POMGNT1: variants seen among roughly 807,000 people sequenced by gnomAD.
POMGNT1 encodes protein O-linked mannose N-acetylglucosaminyltransferase 1 (beta 1,2-), also known as protein O-linked-mannose beta-1,2-N-acetylglucosaminyltransferase 1.
A neutral mutation model predicts 95.6 loss-of-function variants in POMGNT1; 67 were observed. That is an observed-to-expected ratio of 0.70 (90% CI 0.58 to 0.86). The LOEUF (loss-of-function observed/expected upper bound fraction) is 0.86, where lower values mean the gene tolerates loss of function less well. POMGNT1 is among the 40% of genes least tolerant of loss of function. POMGNT1 has a pLI of 0.00. For missense variants in POMGNT1, 719 were observed against 855.2 expected (o/e 0.84, Z 1.99); for synonymous variants, 298 against 317.9 (o/e 0.94, Z 0.66).
intron 1 of POMGNT1, among the ~76,000 whole-genome samples, chr1:46,205,909 C>T (rs1011925652): frequency 2.6e-5 from 4 of 152,232 alleles, no homozygotes; most frequent in Admixed American, 6.5e-5. Flanking sequence ...TAAGGACTGT[C>T]CTTCAATTGT....
chr1:46,202,908 G>GGGC (rs1553164810), upstream of POMGNT1, among the ~76,000 whole-genome samples: 2 of 104,018 alleles, frequency 1.9e-5, 1 homozygote, highest in Non-Finnish European at 3.9e-5. Flanking sequence ...CTAGCCCCTG[G>GGGC]GGGGGGGGGG....
chr1:46,189,899 T>G lies in POMGNT1; in HGVS notation c.1740A>C (p.Arg580=), dbSNP rs1334385300. The G allele has an allele frequency of 6.2e-7, 1 of 1,613,952 alleles. No individual in the cohort carries two copies. The highest frequency in any genetic ancestry group is 2.2e-5 in the East Asian group (1 of 44,862). ...TGGTGAAGTCATCATCTTTCTCCAT[T>G]CGAATAAAGGCCACGTAGGTGTGGC... is the stretch of plus-strand genomic sequence containing the variant. ...TEGHTYVAFI[R]MEKDDDFTTW... The change falls in exon 20 of 22, where the codon CGA becomes CGC. Residue 580 remains arginine, a synonymous_variant. Transcript: ENST00000371984.
Position 46,189,129 on chromosome 1 carries a change from G to T in POMGNT1, c.*141C>A. The T allele has an allele frequency of 6.7e-7, 1 of 1,491,374 alleles. No individual in the cohort carries two copies. Among genetic ancestry groups the T allele is most frequent in the South Asian group, 1.4e-5 (1 of 72,106 alleles). 92.4% of individuals were successfully genotyped at this position (1,491,374 alleles called of 1,614,324 possible). On this transcript the variant is annotated 3_prime_UTR_variant, in exon 22 of 22. Transcript: ENST00000371984. ...GTTGGAGCAGGGGAACCCTCCCCTT[G>T]GAGTTAGTAATTAAGTCTCATGTTA... is the stretch of plus-strand genomic sequence containing the variant.
At position 46,219,930 on chromosome 1, in the gene POMGNT1, A is replaced by C; in HGVS notation, c.-276T>G. 6.2e-7 allele frequency: 1 copy of C among 1,614,242 alleles called. No homozygotes were observed. Among genetic ancestry groups the C allele is most frequent in the Non-Finnish European group, 8.5e-7 (1 of 1,180,032 alleles). ...CACCGACCGGCTGGACAGTGTCTCT[A>C]TTGGCAGCTTCCTGGACACAGTGGC... On this transcript the variant is annotated 5_prime_UTR_variant, in exon 1 of 23. Transcript: ENST00000371992.
In POMGNT1 at chr1:46,203,464, G is replaced by T. The variant is rs759465370; in HGVS notation, c.-50-5593C>A. The T allele has an allele frequency of 6.0e-6, 9 of 1,505,044 alleles. No individual in the cohort carries two copies. Among genetic ancestry groups the T allele is most frequent in the African/African-American group, 2.9e-5 (2 of 69,468 alleles). 93.2% of individuals were successfully genotyped at this position (1,505,044 alleles called of 1,614,324 possible). A position where few individuals can be genotyped will look rare whatever the true frequency, so the allele number is the denominator to read the frequency against. The stretch of plus-strand genomic sequence containing the variant: ...GTGGAGTCCCAGACGCCTGACCTGC[G>T]GGATGTGGAGGGTAAGGTGGGCAGG... On this transcript the variant is annotated intron_variant, in intron 1 of 22. Coordinates refer to the POMGNT1 transcript ENST00000371992.
At position 46,196,971 on chromosome 1, in the gene POMGNT1, A is replaced by G. The variant is rs111913458; in HGVS notation, c.234T>C (p.Tyr78=). ...ANEDPEPEQD[Y]DEALGRLEPP... ...ACCCCATCCTTAGCCTAGCCCTACC[A>G]TAGTCTTGCTCTGGCTCTGGGTCTT... is the stretch of plus-strand genomic sequence containing the variant. Residue 78 remains tyrosine (Y), a splice_region_variant and synonymous_variant, in exon 3 of 22, where the codon TAT becomes TAC. Coordinates refer to ENST00000371984, the MANE Select transcript of POMGNT1 (RefSeq NM_017739.4). This position sits in a 1 kb window ranked among gnomAD's most constrained non-coding sequence, Gnocchi z 4.4. The G allele has an allele frequency of 3.1e-6, 5 of 1,614,156 alleles. No individual in the cohort carries two copies. The South Asian group carries it at 4.4e-5, about 14-fold the overall frequency.
chr1:46,194,295 G>A lies in POMGNT1; in HGVS notation c.858C>T (p.Pro286=), dbSNP rs1406093098. 6.2e-7 allele frequency: 1 copy of A among 1,614,064 alleles called. No homozygotes were observed. The highest frequency in any genetic ancestry group is 1.3e-5 in the African/African-American group (1 of 74,926). The change falls in exon 9 of 22, where the codon CCC becomes CCT. Residue 286 remains proline, a synonymous_variant. Transcript: ENST00000371984. ...GSVCSCKDPT[P]IEFSPDPLPD... ...TCACTGGGTCAGGGCTGAACTCGAT[G>A]GGTGTGGGGTCCTTGCAGCTGCATA...
intron 1 of POMGNT1, among the ~76,000 whole-genome samples, chr1:46,207,875 T>C (rs1272363455): frequency 6.6e-6 from 1 of 151,176 alleles, no homozygotes. Context: ...TTATTATCAT[T>C]ATTTTTTTTG....
Position 46,191,880 on chromosome 1 carries a change from C to T in POMGNT1, c.1539+218G>A, listed in dbSNP as rs540928212. On this transcript the variant is annotated intron_variant, in intron 17 of 21. Coordinates refer to ENST00000371984, the MANE Select transcript of POMGNT1 (RefSeq NM_017739.4). ...CGATCTCCTGACCTTGTGATCCACC[C>T]GCATCGGCCTCCCAAAGTGCTGGGA... The T allele has an allele frequency of 1.0e-3, 599 of 570,496 alleles. 5 individuals are homozygous for T. Among genetic ancestry groups the T allele is most frequent in the African/African-American group, 0.01 (538 of 52,924 alleles). The allele number at this position is 570,496 out of a possible 1,614,324, so 35.3% of individuals were successfully genotyped here. A position where few individuals can be genotyped will look rare whatever the true frequency, so the allele number is the denominator to read the frequency against.
At position 46,193,580 on chromosome 1, in the gene POMGNT1, A is replaced by G. The variant is rs138745073; in HGVS notation, c.1010T>C (p.Ile337Thr). Reference sequence around the variant, plus strand: ...CCTGCTCACCTCATAGTAGCCGTCAATGAAAACTGTTATCATCTGAGGAGA... The same window carrying G: ...CCTGCTCACCTCATAGTAGCCGTCAGTGAAAACTGTTATCATCTGAGGAGA... ...GVSPQMITVF[I>T]DGYYEEPMDV... The change falls in exon 11 of 22, where the codon ATT (isoleucine) becomes ACT (threonine). Residue 337 changes from isoleucine (I) to threonine (T), a missense_variant. Physicochemically the swap from Ile to Thr is moderately conservative, Grantham distance 89. Transcript: ENST00000371984. 4.5e-5 allele frequency: 72 copies of G among 1,614,084 alleles called. No individual in the cohort carries two copies. The highest frequency in any genetic ancestry group is 1.0e-4 in the Admixed American group (6 of 60,000).
chr1:46,195,785 G>A (rs1279461227), intron 6 of POMGNT1, 26 bp downstream of exon 6: 4 of 1,558,824 alleles, frequency 2.6e-6, no homozygotes, highest in South Asian at 1.2e-5. Flanking sequence ...GGGAGTAGGG[G>A]TCAGGGTCAG....
chr1:46,194,146 G>T, intron 9 of POMGNT1, 128 bp downstream of exon 9: 1 of 1,570,264 alleles, frequency 6.4e-7, no homozygotes, highest in South Asian at 1.2e-5. Flanking sequence ...CTTTCAGAGC[G>T]CAGTGTAAAT....
chr1:46,219,516 GT>G (rs1410560541), intron 1 of POMGNT1, among the ~76,000 whole-genome samples: 1 of 152,170 alleles, frequency 6.6e-6, no homozygotes, highest in African/African-American at 2.4e-5. Context: ...TGTCTAATCA[GT>G]GGTAGAGCTG....
chr1:46,194,291 CGAT>C lies in POMGNT1; in HGVS notation c.859_861del (p.Ile287del). 1 of 1,614,194 alleles carries C rather than the reference CGAT, an allele frequency of 6.2e-7. No homozygotes were observed. Among genetic ancestry groups the C allele is most frequent in the Non-Finnish European group, 8.5e-7 (1 of 1,180,028 alleles). ...CCACTCACTGGGTCAGGGCTGAACT[CGAT>C]GGGTGTGGGGTCCTTGCAGCTGCAT... On this transcript the variant is annotated inframe_deletion, in exon 9 of 22. Coordinates refer to ENST00000371984, the MANE Select transcript of POMGNT1 (RefSeq NM_017739.4).
At chr1:46,211,833 C>T (rs1378682688) in intron 1 of POMGNT1, among the ~76,000 whole-genome samples, 5 of 151,566 alleles carry the variant, frequency 3.3e-5, no homozygotes, top group Non-Finnish European at 7.4e-5. Flanking sequence ...GGTGTGATCT[C>T]GGCTCACTAC....
At chr1:46,199,641 G>A (rs571577873), upstream of POMGNT1, among the ~76,000 whole-genome samples, 4 of 152,170 alleles carry the variant, frequency 2.6e-5, no homozygotes, top group South Asian at 8.3e-4. Context: ...TCCAATTTCT[G>A]TTTTAAGAGA....
chr1:46,199,176 A>C (rs1233272553), upstream of POMGNT1, among the ~76,000 whole-genome samples: 1 of 152,168 alleles, frequency 6.6e-6, no homozygotes, highest in African/African-American at 2.4e-5. Context: ...TTCTGACCTC[A>C]AGTGATCCGC....
chr1:46,215,635 A>G (rs1053095064), intron 1 of POMGNT1, among the ~76,000 whole-genome samples: 26 of 152,348 alleles, frequency 1.7e-4, no homozygotes, highest in African/African-American at 6.3e-4. Flanking sequence ...GCCATGGCAC[A>G]TGCCTCTAAT....
chr1:46,192,161 G>T lies in POMGNT1; in HGVS notation c.1476C>A (p.Ile492=), dbSNP rs375432782. Residue 492 remains isoleucine (I), a synonymous_variant, in exon 17 of 22, where the codon ATC becomes ATA. Coordinates refer to ENST00000371984, the MANE Select transcript of POMGNT1 (RefSeq NM_017739.4). ...AGTGGTAGGATCGGGAAACGTCAGGGATGATGCACTCTCGGCCCCGGCGTT... is the reference window on the plus strand; with the variant it reads ...AGTGGTAGGATCGGGAAACGTCAGGTATGATGCACTCTCGGCCCCGGCGTT... ...PEQRRGRECI[I]PDVSRSYHFG... The T allele has an allele frequency of 4.0e-5, 65 of 1,614,002 alleles. No individual in the cohort carries two copies. Among genetic ancestry groups the T allele is most frequent in the Non-Finnish European group, 5.1e-5 (60 of 1,179,972 alleles).
Sources: gnomAD v4.1 joint callset for allele counts (sites outside exome capture counted in the v4.1 genomes callset) on GRCh38, gnomAD v4.1.1 for gene constraint, Gnocchi (gnomAD v3.1) non-coding constraint, MANE v1.5 for transcripts, NCBI Gene and HGNC (gene_info 2026-07-23, HGNC 2026-07-21) for gene names.